PDE6B: variants seen among roughly 807,000 people sequenced by gnomAD.
PDE6B encodes the protein rod cGMP-specific 3',5'-cyclic phosphodiesterase subunit beta.
PDE6B carries 106 observed loss-of-function variants against 109.0 expected under a neutral mutation model. The ratio of observed to expected loss-of-function variants is 0.97; its 90% CI spans 0.83 to 1.14. The LOEUF (loss-of-function observed/expected upper bound fraction) is 1.14. Among genes scored for constraint, PDE6B ranks in the 50% most tolerant of loss-of-function variants. PDE6B has a pLI of 0.00. For synonymous variants in PDE6B, 490 were observed against 471.3 expected (o/e 1.04, Z -0.51); for missense variants, 1,193 against 1,155.6 (o/e 1.03, Z -0.47).
rs1737323019 is a variant in PDE6B, at chr4:663,160, G to A, written c.1893G>A (p.Glu631=). The A allele has an allele frequency of 6.2e-7, 1 of 1,609,570 alleles. No individual in the cohort carries two copies. The highest frequency in any genetic ancestry group is 8.5e-7 in the Non-Finnish European group (1 of 1,175,918). Residue 631 remains glutamate (E), a synonymous_variant, in exon 15 of 22, where the codon GAG becomes GAA. Transcript: ENST00000496514. This position sits in a 1 kb window ranked among gnomAD's most constrained non-coding sequence, Gnocchi z 4.0. Reference sequence around the variant, plus strand: ...CGATTTTGGAGCGGCACCACCTGGAGTTTGGGAAGTTCCTGCTCTCGGAGG... The same window carrying A: ...CGATTTTGGAGCGGCACCACCTGGAATTTGGGAAGTTCCTGCTCTCGGAGG... ...GSSILERHHL[E]FGKFLLSEET...
intron 10 of PDE6B, among the ~76,000 whole-genome samples, chr4:658,571 G>A (rs912979125): frequency 2.6e-5 from 4 of 152,096 alleles, no homozygotes; most frequent in Non-Finnish European, 5.9e-5. Flanking sequence ...GTGGGGACAC[G>A]GCCCTGGGGC....
intron 3 of PDE6B, among the ~76,000 whole-genome samples, chr4:646,509 A>G (rs563629935): frequency 9.9e-5 from 15 of 152,084 alleles, no homozygotes; most frequent in Admixed American, 6.5e-4. Flanking sequence ...GTGTCTGTCA[A>G]TACTTTTGGA....
At chr4:638,003 TTGA>T (rs1302944368) in intron 3 of PDE6B, among the ~76,000 whole-genome samples, 1 of 151,888 alleles carries the variant, frequency 6.6e-6, no homozygotes, top group Non-Finnish European at 1.5e-5. Context: ...GAATACGGGG[TTGA>T]TGAAGAGTTT....
chr4:660,389 T>A, intron 11 of PDE6B, 78 bp from the exon 12 acceptor site: 1 of 1,425,066 alleles, frequency 7.0e-7, no homozygotes, highest in East Asian at 2.3e-5. Context: ...TGGCAGGGGA[T>A]CTGGAGAGAA....
chr4:657,438 C>G lies in PDE6B; in HGVS notation c.1345C>G (p.Gln449Glu). ...GCTGGAGAACCGCAAGGACATCGCA[C>G]AGGACATGGTCCTTTACCACGTGAA... ...NKLENRKDIA[Q>E]DMVLYHVKCD... The change falls in exon 10 of 22, where the codon CAG becomes GAG. Residue 449 changes from glutamine (Q) to glutamate (E), a missense_variant. Physicochemically the swap from Gln to Glu is conservative, Grantham distance 29. Transcript: ENST00000496514. 6.2e-7 allele frequency: 1 copy of G among 1,613,318 alleles called. No individual in the cohort carries two copies. The highest frequency in any genetic ancestry group is 2.2e-5 in the East Asian group (1 of 44,886).
intron 11 of PDE6B, among the ~76,000 whole-genome samples, chr4:659,568 TGTG>T (rs776788553): frequency 1.3e-5 from 2 of 151,392 alleles, no homozygotes; most frequent in Non-Finnish European, 2.9e-5. Flanking sequence ...TGTGTGCACA[TGTG>T]GGTGTGTGTG....
At chr4:649,320 G>A (rs2109169401) in intron 3 of PDE6B, among the ~76,000 whole-genome samples, 1 of 152,300 alleles carries the variant, frequency 6.6e-6, no homozygotes, top group African/African-American at 2.4e-5. Context: ...TCAACAACCA[G>A]CTCTGAGAAG....
chr4:645,048 G>T (rs1338438697), intron 3 of PDE6B, among the ~76,000 whole-genome samples: 1 of 152,016 alleles, frequency 6.6e-6, no homozygotes, highest in Non-Finnish European at 1.5e-5. Flanking sequence ...TTATCATGTT[G>T]TCATGCCCCT....
At chr4:632,647 G>C (rs1734448774) in intron 1 of PDE6B, among the ~76,000 whole-genome samples, 2 of 148,588 alleles carry the variant, frequency 1.3e-5, no homozygotes, top group Non-Finnish European at 3.0e-5. Flanking sequence ...CTGTGGATCT[G>C]CGTGGTGCTG....
At chr4:634,917 TTACC>T in intron 2 of PDE6B, 88 bp downstream of exon 2, 1 of 1,152,134 alleles carries the variant, frequency 8.7e-7, no homozygotes, top group Non-Finnish European at 1.3e-6. Context: ...ATCCACCTCT[TTACC>T]TGCCTGCCCG....
In PDE6B at chr4:653,857, G is replaced by A; in HGVS notation, c.717G>A (p.Leu239=). ...AGGTGTGCCCCTCCCTCCAGGTGCT[G>A]CTGTGGTCGGCCAACAAGGTGTTTG... ...HNCETRRGQV[L]LWSANKVFEE... The change falls in exon 4 of 22, where the codon CTG becomes CTA. Residue 239 remains leucine (L), a synonymous_variant. Coordinates refer to ENST00000496514, the MANE Select transcript of PDE6B (RefSeq NM_000283.4). 2.5e-6 allele frequency: 4 copies of A among 1,613,648 alleles called. No homozygotes were observed. The highest frequency in any genetic ancestry group is 3.4e-6 in the Non-Finnish European group (4 of 1,180,032).
intron 3 of PDE6B, among the ~76,000 whole-genome samples, chr4:637,953 C>G (rs34165278): frequency 6.6e-6 from 1 of 152,186 alleles, no homozygotes; most frequent in Non-Finnish European, 1.5e-5. Context: ...CGCGTCAGGA[C>G]TGTTCACCCA....
At position 670,424 on chromosome 4, in the gene PDE6B, G is replaced by C. The variant is rs1274438195; in HGVS notation, c.*317G>C. 1.2e-5 allele frequency: 4 copies of C among 338,134 alleles called. No homozygotes were observed. Among genetic ancestry groups the C allele is most frequent in the Non-Finnish European group, 1.7e-5 (3 of 176,310 alleles). The allele number at this position is 338,134 out of a possible 1,614,324, so 20.9% of individuals were successfully genotyped here. A position where few individuals can be genotyped will look rare whatever the true frequency, so the allele number is the denominator to read the frequency against. ...CACATGGCTAATTTTTGTATTTTCA[G>C]TACAGATGGGGTTTCACCATATTGG... On this transcript the variant is annotated 3_prime_UTR_variant, in exon 22 of 22. Coordinates refer to ENST00000496514, the MANE Select transcript of PDE6B (RefSeq NM_000283.4).
In PDE6B at chr4:666,455, G is replaced by C. The variant is rs979384367; in HGVS notation, c.2269-76G>C. On this transcript the variant is annotated intron_variant, in intron 19 of 21. Coordinates refer to ENST00000496514, the MANE Select transcript of PDE6B (RefSeq NM_000283.4). The surrounding 1 kb of genome is among the most constrained non-coding windows in gnomAD (Gnocchi z 5.6). ...TCTCCATGAGCACATCTGAGTGAGG[G>C]GGTCGGGGGGCTGGGCGGGGCCCCA... The C allele has an allele frequency of 1.4e-5, 13 of 923,118 alleles. No individual in the cohort carries two copies. Among genetic ancestry groups the C allele is most frequent in the Non-Finnish European group, 2.4e-5 (13 of 553,104 alleles). 57.2% of individuals were successfully genotyped at this position (923,118 alleles called of 1,614,324 possible).
chr4:656,038 C>T, intron 7 of PDE6B, 32 bp downstream of exon 7: 1 of 1,436,634 alleles, frequency 7.0e-7, no homozygotes, highest in South Asian at 1.1e-5. Flanking sequence ...GTCCCCACAG[C>T]CTTGCCCTCA....
chr4:640,275 C>T (rs1734883608), intron 3 of PDE6B, among the ~76,000 whole-genome samples: 2 of 152,006 alleles, frequency 1.3e-5, no homozygotes, highest in Admixed American at 6.6e-5. Flanking sequence ...CGTGGTGGCT[C>T]ATGTAATCCC....
chr4:632,465 G>C (rs948402015), intron 1 of PDE6B, among the ~76,000 whole-genome samples: 1 of 151,898 alleles, frequency 6.6e-6, no homozygotes, highest in Non-Finnish European at 1.5e-5. Flanking sequence ...ACGTTGTGTG[G>C]ATCTGCGTGG....
In PDE6B at chr4:648,545, T is replaced by G. The variant is rs1022648628; in HGVS notation, c.712-5307T>G. Among the ~76,000 whole-genome samples, 2 of 152,148 alleles carry G rather than the reference T, an allele frequency of 1.3e-5. No individual in the cohort carries two copies. Among genetic ancestry groups the G allele is most frequent in the African/African-American group, 4.8e-5 (2 of 41,440 alleles). ...TCCCCCCTCCCTCTGTCCCGGGCCC[T>G]CACCTGGACAATCAGGAACTACCTT... On this transcript the variant is annotated intron_variant, in intron 3 of 21. Coordinates refer to ENST00000496514, the MANE Select transcript of PDE6B (RefSeq NM_000283.4). The surrounding 1 kb of genome is among the most constrained non-coding windows in gnomAD (Gnocchi z 4.5).
In PDE6B at chr4:633,901, C is replaced by G. The variant is rs1415676310; in HGVS notation, c.469-776C>G. On this transcript the variant is annotated intron_variant, in intron 1 of 21. Coordinates refer to ENST00000496514, the MANE Select transcript of PDE6B (RefSeq NM_000283.4). The surrounding 1 kb of genome is among the most constrained non-coding windows in gnomAD (Gnocchi z 4.5). ...CTCAGTAACCCTCGCTGTGTCTGAG[C>G]TGAGGCAGAGCTCAGCTGACCTGTT... Among the ~76,000 whole-genome samples, 1 of 152,082 alleles carries G rather than the reference C, an allele frequency of 6.6e-6. No homozygotes were observed. Among genetic ancestry groups the G allele is most frequent in the Non-Finnish European group, 1.5e-5 (1 of 67,998 alleles).
Sources: allele counts gnomAD v4.1 joint callset (sites outside exome capture counted in the v4.1 genomes callset), GRCh38; gene constraint gnomAD v4.1.1; non-coding constraint Gnocchi (gnomAD v3.1); transcripts MANE v1.5; gene names NCBI Gene and HGNC (gene_info 2026-07-23, HGNC 2026-07-21).